The following SVOPL variants were observed in gnomAD, a reference collection of about 807,000 sequenced individuals.
The protein encoded by SVOPL is SVOP like.
A neutral mutation model predicts 61.0 loss-of-function variants in SVOPL; 60 were observed. That is an observed-to-expected ratio of 0.98 (90% CI 0.80 to 1.22). The LOEUF is 1.22. Among genes scored for constraint, SVOPL ranks in the 50% most tolerant of loss-of-function variants. The probability of loss-of-function intolerance (pLI) is 0.00; values close to 1 mark genes in which losing one functional copy is unlikely to be tolerated. For missense variants in SVOPL, 662 were observed against 643.9 expected, an observed-to-expected ratio of 1.03 and a Z score of -0.30; for synonymous variants, 279 against 250.0, an observed-to-expected ratio of 1.12 and a Z score of -1.09.
intron 1 of SVOPL, among the ~76,000 whole-genome samples, chr7:138,693,596 GGAAAGAAAGAAAAAA>G (rs1563140894): frequency 5.7e-5 from 7 of 122,378 alleles, no homozygotes; most frequent in South Asian, 2.6e-4. Context: ...AAAGAAAAAA[GGAAAGAAAGAAAAAA>G]GAAAGAAAGA....
intron 9 of SVOPL, among the ~76,000 whole-genome samples, chr7:138,640,867 T>C (rs1020769362): frequency 7.2e-5 from 11 of 152,134 alleles, no homozygotes; most frequent in African/African-American, 2.4e-4. Context: ...CATCATGCAA[T>C]AGACCCATGT....
intron 8 of SVOPL, among the ~76,000 whole-genome samples, chr7:138,646,654 G>A (rs568041416): frequency 6.6e-4 from 100 of 152,244 alleles, no homozygotes; most frequent in African/African-American, 2.3e-3. Flanking sequence ...GAGTAGCTGG[G>A]ACCACAGGCA....
rs1226133378 is a variant in SVOPL at position 138,620,045 on chromosome 7, C to CTT, written c.1353+1000_1353+1001insAA. ...CCCCCACTCCCAGACTGGGCTCGGC[C>CTT]TCATTCCTGCCTTTTTTTGCTACAG... On this transcript the variant is annotated intron_variant, in intron 14 of 15. Coordinates refer to ENST00000674285, the MANE Select transcript of SVOPL (RefSeq NM_001139456.2). Among the ~76,000 whole-genome samples the CTT allele has an allele frequency of 2.0e-5, 3 of 151,562 alleles. No homozygotes were observed. In the East Asian group the frequency reaches 5.8e-4, roughly 29 times the overall value.
chr7:138,622,208 ATCTATCTATCTATGTAT>A lies in SVOPL; in HGVS notation c.1264-1090_1264-1074del, dbSNP rs1563096599. Among the ~76,000 whole-genome samples, 9 of 110,286 alleles carry A rather than the reference ATCTATCTATCTATGTAT, an allele frequency of 8.2e-5. 1 individual carries two copies. Among genetic ancestry groups the A allele is most frequent in the South Asian group, 3.5e-4 (1 of 2,848 alleles). The allele number at this position is 110,286 out of a possible 152,430, so 72.4% of individuals were successfully genotyped here. A position where few individuals can be genotyped will look rare whatever the true frequency, so the allele number is the denominator to read the frequency against. ...TATCTATCTATCTATCTATGTATCT[ATCTATCTATCTATGTAT>A]CTATCTATGTATCTATCTATCTATC... On this transcript the variant is annotated intron_variant, in intron 13 of 15. Coordinates refer to ENST00000674285, the MANE Select transcript of SVOPL (RefSeq NM_001139456.2).
chr7:138,598,958 ACTAATT>A (rs1490946900), intron 14 of SVOPL, among the ~76,000 whole-genome samples: 3 of 151,998 alleles, frequency 2.0e-5, no homozygotes, highest in South Asian at 4.1e-4. Flanking sequence ...TTGAGAAAAA[ACTAATT>A]CTAAAGTTAA....
chr7:138,603,677 CA>C (rs376750647), intron 14 of SVOPL, among the ~76,000 whole-genome samples: 1 of 152,220 alleles, frequency 6.6e-6, no homozygotes, highest in African/African-American at 2.4e-5. Context: ...GTCTAAAAAA[CA>C]GATTAGATGA....
intron 4 of SVOPL, among the ~76,000 whole-genome samples, chr7:138,667,814 C>G (rs1226168025): frequency 6.6e-6 from 1 of 152,188 alleles, no homozygotes; most frequent in Non-Finnish European, 1.5e-5. Flanking sequence ...CTTCTAACCT[C>G]CAAACTGTCC....
intron 7 of SVOPL, among the ~76,000 whole-genome samples, chr7:138,654,500 G>GGT (rs71520012): frequency 1.6e-5 from 2 of 125,540 alleles, no homozygotes; most frequent in African/African-American, 5.9e-5. Flanking sequence ...TACTGAGTTT[G>GGT]TTTTTTTTTT....
chr7:138,596,916 T>C, intron 14 of SVOPL: 1 of 1,083,040 alleles, frequency 9.2e-7, no homozygotes, highest in Non-Finnish European at 1.1e-6. Flanking sequence ...GTCTGCCAAA[T>C]ATCCATTATC....
chr7:138,672,887 G>C (rs1309579884), intron 3 of SVOPL, among the ~76,000 whole-genome samples: 1 of 140,102 alleles, frequency 7.1e-6, no homozygotes, highest in Non-Finnish European at 1.5e-5. Context: ...ATCCGTTATA[G>C]GGATAAGTTT....
chr7:138,629,153 G>GTGTGTA (rs10624737), intron 10 of SVOPL, among the ~76,000 whole-genome samples: 4,601 of 147,194 alleles, frequency 0.031, 241 homozygotes, highest in East Asian at 0.24. Flanking sequence ...GTGTGTGTGT[G>GTGTGTA]TATATATGTA....
intron 14 of SVOPL, among the ~76,000 whole-genome samples, chr7:138,603,935 C>T (rs2116769810): frequency 6.8e-6 from 1 of 147,398 alleles, no homozygotes; most frequent in South Asian, 2.3e-4. Flanking sequence ...TTATTTCTGT[C>T]TCAAAAACCT....
chr7:138,614,692 G>A (rs904080509), intron 14 of SVOPL, among the ~76,000 whole-genome samples: 1 of 151,998 alleles, frequency 6.6e-6, no homozygotes, highest in African/African-American at 2.4e-5. Flanking sequence ...CACCACGCCC[G>A]GCTGGCATTT....
chr7:138,649,293 C>CTTTTG (rs201274309), intron 7 of SVOPL, among the ~76,000 whole-genome samples, 156 bp from the exon 8 acceptor site: 1 of 151,944 alleles, frequency 6.6e-6, no homozygotes, highest in South Asian at 2.1e-4. Context: ...AGCATTTTGC[C>CTTTTG]TTTTGTTTTG....
intron 7 of SVOPL, among the ~76,000 whole-genome samples, chr7:138,654,446 A>G (rs1456628812): frequency 6.6e-6 from 1 of 152,022 alleles, no homozygotes; most frequent in Non-Finnish European, 1.5e-5. Context: ...CTAGAAATAG[A>G]ACAACAAAAC....
At chr7:138,656,616 TAGA>T in intron 6 of SVOPL, 105 bp from the exon 7 acceptor site, 1 of 1,200,040 alleles carries the variant, frequency 8.3e-7, no homozygotes, top group Non-Finnish European at 1.2e-6. Flanking sequence ...TTCAAAAGCA[TAGA>T]AGTTGATTAT....
intron 5 of SVOPL, 42 bp downstream of exon 5, chr7:138,663,032 C>T (rs1260261452): frequency 1.9e-6 from 3 of 1,613,434 alleles, no homozygotes; most frequent in Admixed American, 1.7e-5. Flanking sequence ...CAAAAGAATA[C>T]ACAAAAGACA....
intron 12 of SVOPL, 70 bp from the exon 13 acceptor site, chr7:138,626,120 G>C (rs1799882154): frequency 1.4e-6 from 2 of 1,438,316 alleles, no homozygotes; most frequent in Non-Finnish European, 1.9e-6. Context: ...GCCCAGCTTC[G>C]AGTGCACTGT....
chr7:138,694,692 T>TGTTTTCCA (rs1357516954), intron 1 of SVOPL, among the ~76,000 whole-genome samples: 8 of 152,196 alleles, frequency 5.3e-5, no homozygotes, highest in Non-Finnish European at 7.3e-5. Context: ...TGTTGAACTG[T>TGTTTTCCA]GTTTTCCAAT....
Sources: gnomAD v4.1 joint callset for allele counts (sites outside exome capture counted in the v4.1 genomes callset) on GRCh38, gnomAD v4.1.1 for gene constraint, MANE v1.5 for transcripts, NCBI Gene and HGNC (gene_info 2026-07-23, HGNC 2026-07-21) for gene names.